PABPC1L: variants seen among roughly 807,000 people sequenced by gnomAD.
The protein encoded by PABPC1L is polyadenylate-binding protein 1-like.
Under a neutral mutation model 66.6 loss-of-function variants are expected in PABPC1L, and 31 were observed. That is an observed-to-expected ratio of 0.47 (90% CI 0.35 to 0.63). The LOEUF (loss-of-function observed/expected upper bound fraction) is 0.63. PABPC1L is among the 20% of genes least tolerant of loss of function. The pLI is 0.00. For synonymous variants in PABPC1L, 348 were observed against 335.1 expected (o/e 1.04, Z -0.42); for missense variants, 722 against 848.8 (o/e 0.85, Z 1.86).
chr20:44,935,701 G>C (rs1380830077), intron 11 of PABPC1L, among the ~76,000 whole-genome samples: 1 of 152,160 alleles, frequency 6.6e-6, no homozygotes, highest in Non-Finnish European at 1.5e-5. Context: ...AATTTGTTTT[G>C]CTTCGGTTAT....
intron 13 of PABPC1L, among the ~76,000 whole-genome samples, 183 bp downstream of exon 13, chr20:44,938,374 G>A (rs1342035590): frequency 1.3e-5 from 2 of 152,192 alleles, no homozygotes; most frequent in African/African-American, 2.4e-5. Flanking sequence ...TGCTACTTCA[G>A]CCCTTCCGTA....
intron 2 of PABPC1L, among the ~76,000 whole-genome samples, chr20:44,914,224 T>TTTTCA (rs2066723849): frequency 6.7e-6 from 1 of 150,000 alleles, no homozygotes. Context: ...TTTTTTTTTT[T>TTTTCA]GAGACGGAGT....
rs1568645398 is a variant in PABPC1L at position 44,921,690 on chromosome 20, A to C, written c.835A>C (p.Arg279=). 5.6e-6 allele frequency: 9 copies of C among 1,613,786 alleles called. No homozygotes were observed. Among genetic ancestry groups the C allele is most frequent in the Non-Finnish European group, 6.8e-6 (8 of 1,179,944 alleles). ...GGAGCGGCAGAATGAACTGAAGCGC[A>C]GGTTTGAGCAGATGAAGCAGGACCG... is the stretch of plus-strand genomic sequence containing the variant. ...RVERQNELKR[R]FEQMKQDRLR... Residue 279 remains arginine, a synonymous_variant, in exon 6 of 15, where the codon AGG becomes CGG. Transcript: ENST00000217073.
chr20:44,930,414 G>T, intron 7 of PABPC1L, 46 bp from the exon 8 acceptor site: 1 of 1,579,916 alleles, frequency 6.3e-7, no homozygotes. Flanking sequence ...AGCCCCAGGA[G>T]CCTTCCTTCC....
chr20:44,937,990 T>G, intron 12 of PABPC1L, 71 bp from the exon 13 acceptor site: 2 of 1,604,226 alleles, frequency 1.2e-6, no homozygotes, highest in South Asian at 2.2e-5. Context: ...AGTGCTCCAC[T>G]CCATACGAGC....
At chr20:44,914,204 C>T (rs867347741) in intron 2 of PABPC1L, among the ~76,000 whole-genome samples, 15 of 114,352 alleles carry the variant, frequency 1.3e-4, no homozygotes, top group African/African-American at 1.8e-4. Context: ...TGTGTCAGAA[C>T]TTTTTTTTTT....
Position 44,939,161 on chromosome 20 carries a change from A to C in PABPC1L, c.*42A>C. On this transcript the variant is annotated 3_prime_UTR_variant, in exon 15 of 15. Coordinates refer to ENST00000217073, the MANE Select transcript of PABPC1L (RefSeq NM_001372179.1). The stretch of plus-strand genomic sequence containing the variant: ...CCTCGCTTCCATGGCTGCCAAAAGG[A>C]CAGTGTTTCTGGCTCTCAGCCCTAA... 2 of 718,062 alleles carry C rather than the reference A, an allele frequency of 2.8e-6. No individual in the cohort carries two copies. The highest frequency in any genetic ancestry group is 5.2e-6 in the Non-Finnish European group (2 of 385,212). 44.5% of individuals were successfully genotyped at this position (718,062 alleles called of 1,614,324 possible). A position where few individuals can be genotyped will look rare whatever the true frequency, so the allele number is the denominator to read the frequency against.
At chr20:44,927,023 G>A (rs368993767) in intron 7 of PABPC1L, among the ~76,000 whole-genome samples, 1 of 151,672 alleles carries the variant, frequency 6.6e-6, no homozygotes, top group Non-Finnish European at 1.5e-5. Context: ...CCACAGGCAT[G>A]TGCCACCATG....
Position 44,921,714 on chromosome 20 carries a change from C to A in PABPC1L, c.859C>A (p.Arg287=), listed in dbSNP as rs780149707. Residue 287 remains arginine (R), a synonymous_variant, in exon 6 of 15, where the codon CGG becomes AGG. Coordinates refer to ENST00000217073, the MANE Select transcript of PABPC1L (RefSeq NM_001372179.1). The part of the protein sequence containing the change: ...KRRFEQMKQD[R]LRRYQGVNLY... ...CAGGTTTGAGCAGATGAAGCAGGAC[C>A]GGCTGAGGCGTTACCAGGTGAGGTC... 1.2e-6 allele frequency: 2 copies of A among 1,613,252 alleles called. No individual in the cohort carries two copies. The highest frequency in any genetic ancestry group is 1.7e-5 in the Admixed American group (1 of 59,886).
intron 12 of PABPC1L, chr20:44,937,121 C>A (rs1311510936): frequency 7.6e-6 from 3 of 394,996 alleles, no homozygotes; most frequent in Non-Finnish European, 1.5e-5. Context: ...CTGCTGTTCA[C>A]CAGTTTCCAG....
intron 12 of PABPC1L, chr20:44,937,046 C>G: frequency 2.0e-6 from 1 of 510,408 alleles, no homozygotes; most frequent in South Asian, 1.5e-5. Flanking sequence ...TCTTGGGTTT[C>G]TGCTGAGAAA....
chr20:44,913,601 A>G (rs1460419317), intron 2 of PABPC1L, among the ~76,000 whole-genome samples: 1 of 151,948 alleles, frequency 6.6e-6, no homozygotes, highest in Non-Finnish European at 1.5e-5. Flanking sequence ...TTGTATGTTT[A>G]GTGGAGACAG....
intron 7 of PABPC1L, among the ~76,000 whole-genome samples, chr20:44,928,646 G>T (rs181676624): frequency 6.6e-6 from 1 of 151,944 alleles, no homozygotes; most frequent in African/African-American, 2.4e-5. Context: ...GATTAAGAGC[G>T]TGGGCTCACC....
intron 5 of PABPC1L, 35 bp downstream of exon 5, chr20:44,919,312 G>T (rs1450043464): frequency 1.2e-6 from 2 of 1,607,820 alleles, no homozygotes; most frequent in South Asian, 2.2e-5. Context: ...TCTGCAGCAG[G>T]GGGACCGAGC....
rs114652065 is a variant in PABPC1L, at chr20:44,923,007, C to T, written c.877-1154C>T. Among the ~76,000 whole-genome samples the T allele has an allele frequency of 5.1e-3, 777 of 152,336 alleles. 7 individuals carry two copies. The highest frequency in any genetic ancestry group is 0.017 in the African/African-American group (715 of 41,580). On this transcript the variant is annotated intron_variant, in intron 6 of 14. Transcript: ENST00000217073. ...TACATACAGCGTGTCCAGGGGCTTT[C>T]ATACCTGCAGAACAAAATACTCATC...
chr20:44,916,618 A>G (rs2066739266), intron 2 of PABPC1L, 138 bp from the exon 3 acceptor site: 1 of 787,786 alleles, frequency 1.3e-6, no homozygotes, highest in African/African-American at 1.7e-5. Context: ...TTGAGCTTCC[A>G]TACCCCATCC....
chr20:44,930,550 G>A lies in PABPC1L; in HGVS notation c.1063G>A (p.Gly355Arg). 6.2e-7 allele frequency: 1 copy of A among 1,614,244 alleles called. No homozygotes were observed. Among genetic ancestry groups the A allele is most frequent in the Non-Finnish European group, 8.5e-7 (1 of 1,180,040 alleles). ...EATKAVTEMN[G>R]RIVGTKPLYV... is the part of the protein sequence containing the mutation. ...GACAAAGGCCGTGACAGAGATGAACGGGCGCATCGTGGGCACCAAGCCACT... is the reference window on the plus strand; with the variant it reads ...GACAAAGGCCGTGACAGAGATGAACAGGCGCATCGTGGGCACCAAGCCACT... The change falls in exon 8 of 15, where the codon GGG becomes AGG. Residue 355 changes from glycine to arginine, a missense_variant. Physicochemically the swap from Gly to Arg is moderately radical, Grantham distance 125. This residue lies in a region of PABPC1L where 137 missense variants were observed against 216.8 expected (regional missense o/e 0.63). Coordinates refer to ENST00000217073, the MANE Select transcript of PABPC1L (RefSeq NM_001372179.1).
At chr20:44,911,720 T>A (rs887085241) in intron 1 of PABPC1L, among the ~76,000 whole-genome samples, 3 of 152,170 alleles carry the variant, frequency 2.0e-5, no homozygotes, top group African/African-American at 7.2e-5. Context: ...TCTGCTTTGC[T>A]CCACCTCCTG....
intron 7 of PABPC1L, among the ~76,000 whole-genome samples, chr20:44,927,485 T>C (rs1185003613): frequency 2.0e-5 from 3 of 151,980 alleles, no homozygotes; most frequent in African/African-American, 7.2e-5. Flanking sequence ...GTAGCTGGGA[T>C]TACAGGCGCC....
Sources: gnomAD v4.1 joint callset for allele counts (sites outside exome capture counted in the v4.1 genomes callset) on GRCh38, gnomAD v4.1.1 for gene constraint, gnomAD v4.1.1 regional missense constraint, MANE v1.5 for transcripts, NCBI Gene and HGNC (gene_info 2026-07-23, HGNC 2026-07-21) for gene names.